VPS45: variants seen among roughly 807,000 people sequenced by gnomAD.
VPS45 encodes the protein vacuolar protein sorting-associated protein 45.
In VPS45, 35 loss-of-function variants were observed where a neutral mutation model predicts 75.9. That is an observed-to-expected ratio of 0.46 (90% CI 0.35 to 0.61). The LOEUF is 0.61. Ranked by LOEUF, VPS45 falls within the 20% of genes least tolerant of loss-of-function variation. The pLI is 0.00. For missense variants in VPS45, 559 were observed against 685.9 expected (o/e 0.81, Z 2.07); for synonymous variants, 220 against 238.2 (o/e 0.92, Z 0.70).
intron 13 of VPS45, among the ~76,000 whole-genome samples, chr1:150,096,325 G>A (rs587687223): frequency 6.6e-5 from 10 of 152,326 alleles, no homozygotes; most frequent in South Asian, 4.1e-4. Flanking sequence ...ATGAATTGGA[G>A]ATTTGATGAG....
Position 150,077,243 on chromosome 1 carries a change from C to T in VPS45, c.576+12C>T. On this transcript the variant is annotated intron_variant, in intron 6 of 14. Coordinates refer to ENST00000644510, the MANE Select transcript of VPS45 (RefSeq NM_007259.5). ...CAGAGTGCGTTAAGGTATGGCATTA[C>T]CTATTCCTGGTTCCAAAACATAAAG... 1 of 1,601,392 alleles carries T rather than the reference C, an allele frequency of 6.2e-7. No individual in the cohort carries two copies. Among genetic ancestry groups the T allele is most frequent in the South Asian group, 1.1e-5 (1 of 87,954 alleles).
At chr1:150,088,148 T>C (rs782479531) in intron 10 of VPS45, among the ~76,000 whole-genome samples, 5 of 152,166 alleles carry the variant, frequency 3.3e-5, no homozygotes, top group Non-Finnish European at 7.3e-5. Flanking sequence ...CATGCTACTA[T>C]GCAATAGAAC....
At position 150,077,075 on chromosome 1, in the gene VPS45, A is replaced by G; in HGVS notation, c.439-19A>G. ...GAAAATTCAAATATTTTCTCTGAAT[A>G]TATGTTTTTAACAAAAAGGGTCGAA... is the stretch of plus-strand genomic sequence containing the variant. On this transcript the variant is annotated intron_variant, in intron 5 of 14. Transcript: ENST00000644510. 1.2e-6 allele frequency: 2 copies of G among 1,613,818 alleles called. No individual in the cohort carries two copies. The highest frequency in any genetic ancestry group is 1.3e-5 in the African/African-American group (1 of 74,976).
chr1:150,101,691 A>G (rs1013363014), intron 13 of VPS45, among the ~76,000 whole-genome samples: 42 of 151,626 alleles, frequency 2.8e-4, no homozygotes, highest in Admixed American at 1.5e-3. Context: ...CTGAGATCGC[A>G]TCATTGCACT....
chr1:150,078,054 C>T (rs1553798539), intron 7 of VPS45, among the ~76,000 whole-genome samples: 1 of 152,158 alleles, frequency 6.6e-6, no homozygotes, highest in African/African-American at 2.4e-5. Context: ...CCCTGTGTTT[C>T]CTTCTGTCTC....
At chr1:150,106,295 G>T (rs782072843) in intron 13 of VPS45, among the ~76,000 whole-genome samples, 10 of 152,124 alleles carry the variant, frequency 6.6e-5, no homozygotes, top group Non-Finnish European at 1.5e-4. Context: ...CACAGCAAAA[G>T]AAATAACCAA....
chr1:150,070,459 T>G (rs1009409467), intron 2 of VPS45, among the ~76,000 whole-genome samples: 51 of 152,108 alleles, frequency 3.4e-4, no homozygotes, highest in Non-Finnish European at 2.6e-4. Flanking sequence ...TTAGAGAAAC[T>G]CTTTCACTGT....
At chr1:150,133,661 C>T (rs587769050) in intron 14 of VPS45, among the ~76,000 whole-genome samples, 6 of 152,220 alleles carry the variant, frequency 3.9e-5, no homozygotes, top group African/African-American at 1.2e-4. Flanking sequence ...ACCATGCTGC[C>T]CCTGTAGTTG....
intron 10 of VPS45, among the ~76,000 whole-genome samples, chr1:150,086,153 T>A (rs1320834630): frequency 1.3e-5 from 2 of 152,138 alleles, no homozygotes; most frequent in African/African-American, 4.8e-5. Flanking sequence ...GGAAGAGCTC[T>A]ATTTGAAGCA....
chr1:150,114,423 G>A (rs112158674), intron 14 of VPS45, among the ~76,000 whole-genome samples: 3,644 of 149,152 alleles, frequency 0.024, 143 homozygotes, highest in African/African-American at 0.084. Flanking sequence ...AGCCAAGATC[G>A]AGTCACTGCA....
At chr1:150,144,122 T>TG (rs1356997300) in intron 14 of VPS45, among the ~76,000 whole-genome samples, 49 of 151,686 alleles carry the variant, frequency 3.2e-4, no homozygotes, top group African/African-American at 1.2e-3. Flanking sequence ...TTTTTAATTT[T>TG]TTTTTTATTA....
At chr1:150,109,509 G>GT (rs1177165535) in intron 13 of VPS45, 1 of 152,004 alleles carries the variant, frequency 6.6e-6, no homozygotes, top group African/African-American at 2.4e-5. Context: ...TAGGGTTGGG[G>GT]TTTTTTTCAT....
chr1:150,136,411 T>C (rs972163396), intron 14 of VPS45, among the ~76,000 whole-genome samples: 2 of 151,076 alleles, frequency 1.3e-5, no homozygotes, highest in Non-Finnish European at 3.0e-5. Context: ...AAAAATTAGC[T>C]GGGCATGGTG....
chr1:150,090,316 C>G (rs782093251), intron 10 of VPS45, among the ~76,000 whole-genome samples: 4 of 152,132 alleles, frequency 2.6e-5, no homozygotes, highest in African/African-American at 4.8e-5. Flanking sequence ...TTCCTAATTT[C>G]TCAACAACCC....
intron 13 of VPS45, among the ~76,000 whole-genome samples, chr1:150,100,655 A>G (rs1277285620): frequency 6.6e-6 from 1 of 152,228 alleles, no homozygotes. Flanking sequence ...ATGGAACAGA[A>G]TAGAGAGCCC....
chr1:150,101,796 G>A (rs1657030039), intron 13 of VPS45, among the ~76,000 whole-genome samples: 1 of 151,898 alleles, frequency 6.6e-6, no homozygotes, highest in Admixed American at 6.6e-5. Flanking sequence ...GGGAACACTT[G>A]TATGCTGTTG....
intron 14 of VPS45, among the ~76,000 whole-genome samples, chr1:150,124,579 G>A (rs1553810323): frequency 2.6e-5 from 3 of 116,788 alleles, no homozygotes; most frequent in African/African-American, 3.4e-5. Flanking sequence ...ACAGAGTCTC[G>A]CCCTGTCACC....
chr1:150,096,505 A>G (rs1487243357), intron 13 of VPS45, among the ~76,000 whole-genome samples: 1 of 152,200 alleles, frequency 6.6e-6, no homozygotes, highest in African/African-American at 2.4e-5. Flanking sequence ...GTAAAAGAAA[A>G]GATCAGGATT....
At chr1:150,123,052 A>G (rs1553810010) in intron 14 of VPS45, among the ~76,000 whole-genome samples, 1 of 151,164 alleles carries the variant, frequency 6.6e-6, no homozygotes, top group African/African-American at 2.4e-5. Context: ...CTAATAAACC[A>G]CTAATCTAAC....
Sources: allele counts gnomAD v4.1 joint callset (sites outside exome capture counted in the v4.1 genomes callset), GRCh38; gene constraint gnomAD v4.1.1; transcripts MANE v1.5; gene names NCBI Gene and HGNC (gene_info 2026-07-23, HGNC 2026-07-21).